Variants in MCM3AP observed in about 807,000 individuals in gnomAD.
MCM3AP encodes germinal-center associated nuclear protein.
In MCM3AP, 126 loss-of-function variants were observed where a neutral mutation model predicts 184.1. The ratio of observed to expected loss-of-function variants is 0.68; its 90% CI spans 0.59 to 0.79. The LOEUF is 0.79. Among genes scored for constraint, MCM3AP ranks in the 30% least tolerant of loss-of-function variants. MCM3AP has a pLI of 0.00. For missense variants in MCM3AP, 2,496 were observed against 2,479.2 expected (o/e 1.01, Z -0.14); for synonymous variants, 1,002 against 979.3 (o/e 1.02, Z -0.43).
At chr21:46,285,935 C>T (rs550619929), upstream of MCM3AP, 181 of 152,614 alleles carry the variant, frequency 1.2e-3, no homozygotes, top group Non-Finnish European at 2.1e-3. Flanking sequence ...GCGGGGACGG[C>T]GTGCCCGGGG....
At chr21:46,254,098 C>T (rs921370074) in intron 19 of MCM3AP, 2 of 401,698 alleles carry the variant, frequency 5.0e-6, no homozygotes, top group Non-Finnish European at 9.1e-6. Context: ...GCCATGCTTC[C>T]TGTACAGCCG....
chr21:46,246,068 G>A lies in MCM3AP; in HGVS notation c.4647+239C>T, dbSNP rs146480467. Among the ~76,000 whole-genome samples, 24 of 152,310 alleles carry A rather than the reference G, an allele frequency of 1.6e-4. No individual in the cohort carries two copies. The East Asian group carries it at 4.2e-3, about 27-fold the overall frequency. ...TGTATAAAACATACAACTGCTGCCA[G>A]GCGCAGTGGCACACCACAGTAGTCC... On this transcript the variant is annotated intron_variant, in intron 22 of 27. Transcript: ENST00000291688.
intron 26 of MCM3AP, among the ~76,000 whole-genome samples, chr21:46,240,583 AAAT>A (rs972377534): frequency 2.0e-5 from 3 of 152,198 alleles, no homozygotes; most frequent in Non-Finnish European, 4.4e-5. Context: ...TTTCAATAAT[AAAT>A]AATAAATGAA....
chr21:46,266,285 C>G (rs2081111427), intron 10 of MCM3AP, 119 bp from the exon 11 acceptor site: 2 of 1,135,772 alleles, frequency 1.8e-6, no homozygotes, highest in South Asian at 2.0e-5. Context: ...GTGTAAATAA[C>G]AGAAAGCACA....
rs780936885 is a variant in MCM3AP, at chr21:46,240,828, C to G, written c.5616G>C (p.Glu1872Asp). 6.2e-7 allele frequency: 1 copy of G among 1,614,116 alleles called. No individual in the cohort carries two copies. Among genetic ancestry groups the G allele is most frequent in the Non-Finnish European group, 8.5e-7 (1 of 1,180,020 alleles). ...AQCLSSSLLLEKEENKRFEDQ... is the reference protein window; with the variant it reads ...AQCLSSSLLLDKEENKRFEDQ... ...GGCTTCACCTCTTGTTCTCTTCTTT[C>G]TCCAGCAGCAGACTGCTCGACAAAC... Residue 1872 changes from glutamate to aspartate, a missense_variant, in exon 26 of 28, where the codon GAG becomes GAC. Glu to Asp is a conservative substitution (Grantham distance 45). Coordinates refer to ENST00000291688, the MANE Select transcript of MCM3AP (RefSeq NM_003906.5).
At chr21:46,242,681 G>T in intron 25 of MCM3AP, 121 bp downstream of exon 25, 1 of 951,644 alleles carries the variant, frequency 1.1e-6, no homozygotes. Flanking sequence ...TGTTCCTTGA[G>T]GATTTGTCAC....
At chr21:46,256,518 A>G (rs17176653) in intron 17 of MCM3AP, 10,661 of 507,576 alleles carry the variant, frequency 0.021, 775 homozygotes, top group African/African-American at 0.17. Flanking sequence ...AGAACACGTG[A>G]TGCAGAGTCA....
chr21:46,243,188 C>T (rs1208681662), intron 24 of MCM3AP, among the ~76,000 whole-genome samples: 1 of 152,174 alleles, frequency 6.6e-6, no homozygotes, highest in Non-Finnish European at 1.5e-5. Flanking sequence ...TACATCGAGA[C>T]TGGCAGGGCC....
intron 16 of MCM3AP, 126 bp downstream of exon 16, chr21:46,258,813 T>C: frequency 2.1e-6 from 2 of 973,932 alleles, no homozygotes; most frequent in Non-Finnish European, 3.2e-6. Flanking sequence ...TAGGTATTCA[T>C]TGCTATAACA....
intron 9 of MCM3AP, chr21:46,267,519 A>G (rs765235994): frequency 3.8e-5 from 7 of 182,902 alleles, no homozygotes; most frequent in Admixed American, 5.8e-5. Context: ...TGCCAGCAGG[A>G]AACCAATCCC....
Position 46,273,660 on chromosome 21 carries a change from G to A in MCM3AP, c.1999-75C>T, listed in dbSNP as rs1414368050. On this transcript the variant is annotated intron_variant, in intron 6 of 27. Transcript: ENST00000291688. The stretch of plus-strand genomic sequence containing the variant: ...AGGCATAGTTATGCCTGAAAATGAG[G>A]GGGAAAATCACATACACACCCACAC... The A allele has an allele frequency of 3.5e-6, 4 of 1,139,280 alleles. No individual in the cohort carries two copies. The African/African-American group carries it at 4.6e-5, about 13-fold the overall frequency. The allele number at this position is 1,139,280 out of a possible 1,614,324, so 70.6% of individuals were successfully genotyped here.
intron 9 of MCM3AP, among the ~76,000 whole-genome samples, chr21:46,268,965 G>T (rs1476159664): frequency 5.9e-5 from 9 of 152,106 alleles, no homozygotes; most frequent in Non-Finnish European, 1.2e-4. Context: ...TTGAACCCAG[G>T]AGGCAGAAGT....
rs967100945 is a variant in MCM3AP, at chr21:46,280,039, C to T, written c.1621G>A (p.Gly541Ser). Reference protein sequence around the residue: ...EDAPFQHSPLGKAAGRTGASS... With the variant: ...EDAPFQHSPLSKAAGRTGASS... ...GCACCAGTCCTCCCTGCGGCCTTGC[C>T]AAGAGGAGAGTGCTGAAAGGGTGCA... The change falls in exon 4 of 28, where the codon GGC becomes AGC. Residue 541 changes from glycine to serine, a missense_variant. Physicochemically the swap from Gly to Ser is moderately conservative, Grantham distance 56. This residue lies in a region of MCM3AP where 800 missense variants were observed against 717.1 expected (regional missense o/e 1.12). Coordinates refer to ENST00000291688, the MANE Select transcript of MCM3AP (RefSeq NM_003906.5). 3.1e-6 allele frequency: 5 copies of T among 1,614,000 alleles called. No homozygotes were observed. The highest frequency in any genetic ancestry group is 2.2e-5 in the East Asian group (1 of 44,888).
chr21:46,266,194 G>A, intron 10 of MCM3AP, 28 bp from the exon 11 acceptor site: 1 of 1,577,336 alleles, frequency 6.3e-7, no homozygotes, highest in South Asian at 1.2e-5. Flanking sequence ...GACCCCCGAG[G>A]GGTGTCACCA....
Position 46,254,562 on chromosome 21 carries a change from G to A in MCM3AP, c.4002-36C>T, listed in dbSNP as rs776985434. 8 of 1,612,402 alleles carry A rather than the reference G, an allele frequency of 5.0e-6. No homozygotes were observed. The Admixed American group carries it at 1.2e-4, about 24-fold the overall frequency. On this transcript the variant is annotated intron_variant, in intron 18 of 27. Coordinates refer to ENST00000291688, the MANE Select transcript of MCM3AP (RefSeq NM_003906.5). ...CAGACCACCGTGGATTAGCCAGTGT[G>A]TGAGACCCTTGCAGGAGCAGCACAC...
intron 17 of MCM3AP, chr21:46,256,475 G>A: frequency 2.6e-6 from 1 of 384,158 alleles, no homozygotes; most frequent in Non-Finnish European, 4.8e-6. Flanking sequence ...AAGGATGGAA[G>A]TGGCAGGTAC....
chr21:46,266,354 G>A (rs2081112266), intron 10 of MCM3AP, 188 bp from the exon 11 acceptor site: 4 of 542,216 alleles, frequency 7.4e-6, no homozygotes, highest in South Asian at 3.6e-5. Flanking sequence ...GAACCACTAA[G>A]CCCAGCGTGT....
chr21:46,272,799 G>C lies in MCM3AP; in HGVS notation c.2227C>G (p.Leu743Val). Residue 743 changes from leucine (L) to valine (V), a missense_variant, in exon 8 of 28, where the codon CTG becomes GTG. Coordinates refer to ENST00000291688, the MANE Select transcript of MCM3AP (RefSeq NM_003906.5). ...CACTTCTCAATCAGGGACACCGTCA[G>C]GGGGTCACAGAGGTGCTGCTGCGTG... is the stretch of plus-strand genomic sequence containing the variant. ...DITQQHLCDP[L>V]TVSLIEKCTR... 13 of 1,607,086 alleles carry C rather than the reference G, an allele frequency of 8.1e-6. No individual in the cohort carries two copies. The highest frequency in any genetic ancestry group is 1.0e-5 in the Non-Finnish European group (12 of 1,175,616).
At chr21:46,266,708 A>C in intron 10 of MCM3AP, 2 of 446,980 alleles carry the variant, frequency 4.5e-6, no homozygotes, top group Non-Finnish European at 8.0e-6. Flanking sequence ...AGAATAAAGA[A>C]GGCCCTAACT....
Sources: allele counts gnomAD v4.1 joint callset (sites outside exome capture counted in the v4.1 genomes callset), GRCh38; gene constraint gnomAD v4.1.1; regional missense constraint gnomAD v4.1.1; transcripts MANE v1.5; gene names NCBI Gene and HGNC (gene_info 2026-07-23, HGNC 2026-07-21).